Variants in UBR3 observed in about 807,000 individuals in gnomAD.
UBR3 encodes the protein ubiquitin protein ligase E3 component n-recognin 3.
A neutral mutation model predicts 243.2 loss-of-function variants in UBR3; 85 were observed. The observed-to-expected ratio is 0.35, with a 90% CI of 0.29 to 0.42. UBR3 has a LOEUF of 0.42. UBR3 is among the 10% of genes least tolerant of loss of function. UBR3 has a pLI of 1.00. For missense variants in UBR3, 1,686 were observed against 2,300.8 expected (o/e 0.73, Z 5.47); for synonymous variants, 748 against 799.8 (o/e 0.94, Z 1.09).
At chr2:169,898,818 CA>C (rs1453126122) in intron 8 of UBR3, among the ~76,000 whole-genome samples, 5 of 151,842 alleles carry the variant, frequency 3.3e-5, no homozygotes, top group African/African-American at 1.2e-4. Flanking sequence ...TCTCCTGCCT[CA>C]GCCTCCCGAG....
chr2:170,079,926 A>G lies in UBR3; in HGVS notation c.5312A>G (p.Lys1771Arg), dbSNP rs774498275. Residue 1771 changes from lysine (K) to arginine (R), a missense_variant, in exon 37 of 39, where the codon AAG becomes AGG. Physicochemically the swap from Lys to Arg is conservative, Grantham distance 26. Transcript: ENST00000272793. ...YHRKTCSVCT[K>R]VPKDPAVCLV... The stretch of plus-strand genomic sequence containing the variant: ...AGAAAAACCTGTAGTGTCTGCACCA[A>G]GGTTCCTAAAGATCCTGCTGTTTGC... 3.7e-6 allele frequency: 6 copies of G among 1,614,004 alleles called. No homozygotes were observed. Among genetic ancestry groups the G allele is most frequent in the Admixed American group, 3.3e-5 (2 of 60,004 alleles).
At chr2:170,033,843 T>C (rs745311568) in intron 31 of UBR3, among the ~76,000 whole-genome samples, 5 of 151,730 alleles carry the variant, frequency 3.3e-5, no homozygotes, top group Middle Eastern at 6.3e-3. Context: ...CTGATAATCA[T>C]TTTTTATTTT....
At chr2:169,976,852 A>C (rs1460741064) in intron 24 of UBR3, among the ~76,000 whole-genome samples, 1 of 151,866 alleles carries the variant, frequency 6.6e-6, no homozygotes, top group Non-Finnish European at 1.5e-5. Context: ...TGCCATTTTT[A>C]TCTCTTCTTA....
At chr2:169,978,667 G>A (rs940772087) in intron 24 of UBR3, among the ~76,000 whole-genome samples, 8 of 151,856 alleles carry the variant, frequency 5.3e-5, no homozygotes, top group Non-Finnish European at 1.2e-4. Flanking sequence ...CCCAGGTGCA[G>A]TGTCAGCAAG....
At chr2:170,027,008 TA>T (rs1391026587) in intron 30 of UBR3, among the ~76,000 whole-genome samples, 3 of 151,956 alleles carry the variant, frequency 2.0e-5, no homozygotes, top group Non-Finnish European at 4.4e-5. Flanking sequence ...TTGAAGTTGT[TA>T]AAATGGTTAT....
At chr2:169,832,745 A>G (rs1193649595) in intron 1 of UBR3, among the ~76,000 whole-genome samples, 1 of 151,710 alleles carries the variant, frequency 6.6e-6, no homozygotes, top group Non-Finnish European at 1.5e-5. Context: ...GACCAGCCTG[A>G]CCACATGGAG....
intron 36 of UBR3, among the ~76,000 whole-genome samples, chr2:170,075,691 C>T (rs2091792395): frequency 6.6e-6 from 1 of 152,094 alleles, no homozygotes; most frequent in Non-Finnish European, 1.5e-5. Context: ...CTGATCCTGA[C>T]CCTAGGTCAA....
At chr2:169,935,972 T>A (rs1378769750) in intron 19 of UBR3, among the ~76,000 whole-genome samples, 1 of 152,248 alleles carries the variant, frequency 6.6e-6, no homozygotes, top group Non-Finnish European at 1.5e-5. Flanking sequence ...GTTGAAATAT[T>A]TCATCATGAC....
intron 32 of UBR3, among the ~76,000 whole-genome samples, chr2:170,053,339 T>C (rs375787653): frequency 5.3e-5 from 8 of 152,332 alleles, no homozygotes; most frequent in East Asian, 3.9e-4. Context: ...AGTAAAAACC[T>C]TGGGCACTGA....
Position 169,949,660 on chromosome 2 carries a change from A to G in UBR3, c.3140A>G (p.Gln1047Arg). 6.4e-7 allele frequency: 1 copy of G among 1,550,748 alleles called. No individual in the cohort carries two copies. Among genetic ancestry groups the G allele is most frequent in the Non-Finnish European group, 8.7e-7 (1 of 1,146,486 alleles). The change falls in exon 23 of 39, where the codon CAG becomes CGG. Residue 1047 changes from glutamine to arginine, a missense_variant. Around this residue, in one of 8 missense-constraint regions of UBR3, gnomAD observed 300 missense variants for 314.4 expected, o/e 0.95. Transcript: ENST00000272793. ...SLVAERRKKF[Q>R]EIINRSSSEA... ...GTAGCAGAACGTAGAAAGAAATTTC[A>G]GGAAATCATCAATCGCAGTAGCAGT...
intron 23 of UBR3, among the ~76,000 whole-genome samples, chr2:169,951,730 C>T (rs2087041322): frequency 6.6e-6 from 1 of 151,832 alleles, no homozygotes; most frequent in Non-Finnish European, 1.5e-5. Context: ...GGAGAGCAAG[C>T]TACTTAGTCA....
intron 1 of UBR3, among the ~76,000 whole-genome samples, chr2:169,840,839 C>T (rs1335870668): frequency 6.6e-6 from 1 of 152,128 alleles, no homozygotes; most frequent in Non-Finnish European, 1.5e-5. Flanking sequence ...GAGTGGCAGC[C>T]TTAGCAGCAT....
chr2:169,983,106 T>A (rs963773222), intron 24 of UBR3, among the ~76,000 whole-genome samples: 1 of 151,588 alleles, frequency 6.6e-6, no homozygotes, highest in Non-Finnish European at 1.5e-5. Context: ...AGAGAGAAAC[T>A]ATGCAAGGTG....
chr2:170,024,672 C>A (rs1242452107), intron 30 of UBR3, among the ~76,000 whole-genome samples: 3 of 151,974 alleles, frequency 2.0e-5, no homozygotes, highest in Admixed American at 6.6e-5. Flanking sequence ...AGAGGGATTT[C>A]TTAAACCTTA....
chr2:170,076,081 A>G (rs564455681), intron 36 of UBR3, among the ~76,000 whole-genome samples: 2 of 152,216 alleles, frequency 1.3e-5, no homozygotes, highest in East Asian at 3.9e-4. Flanking sequence ...CCTTCCTTTA[A>G]TTTGCATGCT....
Position 170,079,279 on chromosome 2 carries a change from T to C in UBR3, c.5200-535T>C, listed in dbSNP as rs145773602. ...GAAAAGAATTGTAGCCCAGCACTTATGGATATAAAAGATCTTAACAGCTTG... is the reference window on the plus strand; with the variant it reads ...GAAAAGAATTGTAGCCCAGCACTTACGGATATAAAAGATCTTAACAGCTTG... On this transcript the variant is annotated intron_variant, in intron 36 of 38. Transcript: ENST00000272793. Among the ~76,000 whole-genome samples the C allele has an allele frequency of 2.0e-5, 3 of 152,328 alleles. No individual in the cohort carries two copies. The East Asian group carries it at 5.8e-4, about 29-fold the overall frequency.
At chr2:170,013,102 A>G (rs2090132722) in intron 29 of UBR3, among the ~76,000 whole-genome samples, 1 of 152,178 alleles carries the variant, frequency 6.6e-6, no homozygotes, top group African/African-American at 2.4e-5. Context: ...TTTGACAGCA[A>G]AAAGCTCGGA....
chr2:170,009,664 G>C (rs917336966), intron 29 of UBR3, among the ~76,000 whole-genome samples: 3 of 152,124 alleles, frequency 2.0e-5, no homozygotes, highest in South Asian at 2.1e-4. Flanking sequence ...AACTGACTCT[G>C]TACATCCTTG....
rs917464570 is a variant in UBR3 at position 169,837,508 on chromosome 2, TG to T, written c.545+9459del. ...AAAAGGAAAAAGAACGGCTGGAGACTGGGTGATTTATAAAGGAAAGAGGTTT... is the reference window on the plus strand; with the variant it reads ...AAAAGGAAAAAGAACGGCTGGAGACTGGTGATTTATAAAGGAAAGAGGTTT... On this transcript the variant is annotated intron_variant, in intron 1 of 38. Transcript: ENST00000272793. Among the ~76,000 whole-genome samples the T allele has an allele frequency of 8.5e-5, 13 of 152,282 alleles. No homozygotes were observed. In the East Asian group the frequency reaches 2.5e-3, roughly 29 times the overall value.
Sources: gnomAD v4.1 joint callset for allele counts (sites outside exome capture counted in the v4.1 genomes callset) on GRCh38, gnomAD v4.1.1 for gene constraint, gnomAD v4.1.1 regional missense constraint, MANE v1.5 for transcripts, NCBI Gene and HGNC (gene_info 2026-07-23, HGNC 2026-07-21) for gene names.